The following ENPP1 variants were observed in gnomAD, a reference collection of about 807,000 sequenced individuals.
ENPP1 encodes the protein ectonucleotide pyrophosphatase/phosphodiesterase 1.
ENPP1 carries 73 observed loss-of-function variants against 122.8 expected under a neutral mutation model. The observed-to-expected ratio is 0.59, with a 90% CI of 0.49 to 0.72. The LOEUF is 0.72. Among genes scored for constraint, ENPP1 ranks in the 30% least tolerant of loss-of-function variants. ENPP1 has a pLI of 0.00. For synonymous variants in ENPP1, 367 were observed against 391.6 expected, an observed-to-expected ratio of 0.94 and a Z score of 0.74; for missense variants, 978 against 1,128.1, an observed-to-expected ratio of 0.87 and a Z score of 1.91.
At chr6:131,878,685 G>C in intron 19 of ENPP1, 92 bp downstream of exon 19, 1 of 923,682 alleles carries the variant, frequency 1.1e-6, no homozygotes, top group Non-Finnish European at 1.8e-6. Flanking sequence ...GGTATTATTT[G>C]AGAATAACCA....
At chr6:131,861,539 T>C (rs1782022871) in intron 8 of ENPP1, 56 bp from the exon 9 acceptor site, 3 of 1,120,730 alleles carry the variant, frequency 2.7e-6, no homozygotes, top group Non-Finnish European at 4.1e-6. Flanking sequence ...ATACATACTT[T>C]CCTAAGAGAT....
At chr6:131,850,418 T>A (rs1409648533) in intron 3 of ENPP1, among the ~76,000 whole-genome samples, 1 of 152,210 alleles carries the variant, frequency 6.6e-6, no homozygotes, top group African/African-American at 2.4e-5. Flanking sequence ...AATATTTTCA[T>A]TATGGTTCTT....
intron 4 of ENPP1, among the ~76,000 whole-genome samples, chr6:131,851,608 T>A (rs1213389305): frequency 1.3e-5 from 2 of 152,172 alleles, no homozygotes; most frequent in Non-Finnish European, 2.9e-5. Flanking sequence ...GAAAGATCCC[T>A]CTTACAGTCC....
At position 131,890,911 on chromosome 6, in the gene ENPP1, C is replaced by A. The variant is rs55828988; in HGVS notation, c.*400C>A. The A allele has an allele frequency of 7.1e-3, 1,252 of 175,894 alleles. 21 individuals carry two copies. Among genetic ancestry groups the A allele is most frequent in the African/African-American group, 0.027 (1,149 of 41,928 alleles). The allele number at this position is 175,894 out of a possible 1,614,324, so 10.9% of individuals were successfully genotyped here. A position where few individuals can be genotyped will look rare whatever the true frequency, so the allele number is the denominator to read the frequency against. ...AGACTTATAGTAGGGTTGGGGTAGC[C>A]CATGTTATGTGACTATCTTTATGAG... On this transcript the variant is annotated 3_prime_UTR_variant, in exon 25 of 25. Transcript: ENST00000647893.
At chr6:131,849,499 C>T (rs1170450240) in intron 2 of ENPP1, among the ~76,000 whole-genome samples, 1 of 152,146 alleles carries the variant, frequency 6.6e-6, no homozygotes, top group African/African-American at 2.4e-5. Context: ...AAACCCACTA[C>T]TTCTTTACAC....
At chr6:131,844,673 T>C (rs1416659899) in intron 1 of ENPP1, among the ~76,000 whole-genome samples, 2 of 152,152 alleles carry the variant, frequency 1.3e-5, no homozygotes, top group African/African-American at 4.8e-5. Flanking sequence ...CAGCTAACCG[T>C]GGGAATGCTA....
chr6:131,858,992 A>T (rs1272010494), intron 7 of ENPP1, among the ~76,000 whole-genome samples: 1 of 152,082 alleles, frequency 6.6e-6, no homozygotes, highest in Non-Finnish European at 1.5e-5. Flanking sequence ...TCAAGAAACG[A>T]TTTCCTGGTT....
At chr6:131,837,625 A>G (rs1387539988) in intron 1 of ENPP1, among the ~76,000 whole-genome samples, 4 of 151,748 alleles carry the variant, frequency 2.6e-5, no homozygotes, top group Non-Finnish European at 4.4e-5. Context: ...CCTTCCTTCT[A>G]TCATTGTCAT....
At chr6:131,820,236 G>A (rs1330861634) in intron 1 of ENPP1, 2 of 186,398 alleles carry the variant, frequency 1.1e-5, no homozygotes, top group African/African-American at 4.8e-5. Context: ...GAAGTATAAT[G>A]GGATCCTGAT....
At position 131,893,260 on chromosome 6, in the gene ENPP1, A is replaced by C. The variant is rs1402432578; in HGVS notation, c.*2749A>C. 6.6e-6 allele frequency: 1 copy of C among 152,250 alleles called. No homozygotes were observed. The highest frequency in any genetic ancestry group is 1.5e-5 in the Non-Finnish European group (1 of 68,042). The allele number at this position is 152,250 out of a possible 1,614,324, so 9.4% of individuals were successfully genotyped here. A position where few individuals can be genotyped will look rare whatever the true frequency, so the allele number is the denominator to read the frequency against. On this transcript the variant is annotated 3_prime_UTR_variant, in exon 25 of 25. Transcript: ENST00000647893. ...TCCCTTTGCTGGACGCCAAGAATACAAAAAAGAACAAGTGACAATTTTCTC... is the reference window on the plus strand; with the variant it reads ...TCCCTTTGCTGGACGCCAAGAATACCAAAAAGAACAAGTGACAATTTTCTC...
At chr6:131,863,538 T>G (rs1204696816) in intron 9 of ENPP1, among the ~76,000 whole-genome samples, 2 of 152,054 alleles carry the variant, frequency 1.3e-5, no homozygotes, top group African/African-American at 4.8e-5. Flanking sequence ...CTAGTTAGTG[T>G]TCTTTATGGT....
chr6:131,882,518 T>C, intron 21 of ENPP1, 44 bp downstream of exon 21: 1 of 1,500,282 alleles, frequency 6.7e-7, no homozygotes, highest in Non-Finnish European at 9.1e-7. Context: ...TCCTTTTTGT[T>C]TTCTTTCTTG....
Position 131,827,418 on chromosome 6 carries a change from C to T in ENPP1, c.240+19143C>T, listed in dbSNP as rs1781558638. 4 of 712,576 alleles carry T rather than the reference C, an allele frequency of 5.6e-6. No homozygotes were observed. The Admixed American group carries it at 5.9e-5, about 11-fold the overall frequency. The allele number at this position is 712,576 out of a possible 1,614,324, so 44.1% of individuals were successfully genotyped here. A position where few individuals can be genotyped will look rare whatever the true frequency, so the allele number is the denominator to read the frequency against. On this transcript the variant is annotated intron_variant, in intron 1 of 24. Coordinates refer to ENST00000647893, the MANE Select transcript of ENPP1 (RefSeq NM_006208.3). The stretch of plus-strand genomic sequence containing the variant: ...CTTCATGGATCTCCTCAGCATCCAC[C>T]ACAGCCTGTAGGAGGAGGTCAGACT...
intron 2 of ENPP1, 75 bp downstream of exon 2, chr6:131,847,923 T>C (rs1781833738): frequency 1.7e-6 from 2 of 1,149,420 alleles, no homozygotes; most frequent in Non-Finnish European, 2.6e-6. Flanking sequence ...ATTAAGAATG[T>C]GATTGAGGTA....
At chr6:131,836,876 A>G (rs1187881685) in intron 1 of ENPP1, among the ~76,000 whole-genome samples, 1 of 152,150 alleles carries the variant, frequency 6.6e-6, no homozygotes, top group Non-Finnish European at 1.5e-5. Context: ...TTTTATCCAT[A>G]GAAGCAGGAA....
intron 5 of ENPP1, among the ~76,000 whole-genome samples, chr6:131,854,560 A>G (rs557167746): frequency 6.6e-6 from 1 of 152,110 alleles, no homozygotes; most frequent in Admixed American, 6.6e-5. Context: ...GTTGTTTTTT[A>G]TTGTTTATTT....
intron 15 of ENPP1, 103 bp downstream of exon 15, chr6:131,873,153 A>T: frequency 7.8e-7 from 1 of 1,277,638 alleles, no homozygotes; most frequent in South Asian, 1.2e-5. Flanking sequence ...AAACTGTATA[A>T]GTATGATTCT....
intron 1 of ENPP1, chr6:131,826,456 G>T: frequency 1.0e-6 from 1 of 953,964 alleles, no homozygotes; most frequent in Non-Finnish European, 1.7e-6. Context: ...AGGAATGTAA[G>T]TAATGTTATT....
At chr6:131,809,237 T>G (rs1241595508) in intron 1 of ENPP1, among the ~76,000 whole-genome samples, 1 of 152,242 alleles carries the variant, frequency 6.6e-6, no homozygotes, top group Non-Finnish European at 1.5e-5. Flanking sequence ...CAGATTTCTA[T>G]GTATAGTGTA....
Sources: allele counts gnomAD v4.1 joint callset (sites outside exome capture counted in the v4.1 genomes callset), GRCh38; gene constraint gnomAD v4.1.1; transcripts MANE v1.5; gene names NCBI Gene and HGNC (gene_info 2026-07-23, HGNC 2026-07-21).